The following PSMA5 variants were observed in gnomAD, a reference collection of about 807,000 sequenced individuals.
The protein encoded by PSMA5 is proteasome subunit alpha type-5.
Under a neutral mutation model 34.5 loss-of-function variants are expected in PSMA5, and 3 were observed. The observed-to-expected ratio is 0.09, with a 90% CI of 0.04 to 0.22. PSMA5 has a LOEUF of 0.22. Ranked by LOEUF, PSMA5 falls within the 10% of genes least tolerant of loss-of-function variation. PSMA5 has a pLI of 1.00. For missense variants in PSMA5, 120 were observed against 286.1 expected, an observed-to-expected ratio of 0.42 and a Z score of 4.19; for synonymous variants, 88 against 95.8, an observed-to-expected ratio of 0.92 and a Z score of 0.47.
At chr1:109,403,815 C>T (rs1483918450) in intron 8 of PSMA5, among the ~76,000 whole-genome samples, 1 of 152,064 alleles carries the variant, frequency 6.6e-6, no homozygotes, top group Non-Finnish European at 1.5e-5. Flanking sequence ...TGCTGCAAGT[C>T]TTAAGACATC....
chr1:109,410,203 A>G (rs967529400), intron 7 of PSMA5, among the ~76,000 whole-genome samples, 189 bp from the exon 8 acceptor site: 43 of 152,126 alleles, frequency 2.8e-4, no homozygotes, highest in Admixed American at 3.9e-4. Context: ...TTTTTTCAGG[A>G]AAAAAAACCC....
At chr1:109,407,054 C>T (rs1347532755) in intron 8 of PSMA5, among the ~76,000 whole-genome samples, 1 of 152,198 alleles carries the variant, frequency 6.6e-6, no homozygotes, top group Non-Finnish European at 1.5e-5. Flanking sequence ...GCGGCATGAT[C>T]TCGGCTCACT....
intron 2 of PSMA5, among the ~76,000 whole-genome samples, chr1:109,416,885 G>C (rs1654222801): frequency 1.3e-5 from 2 of 152,158 alleles, no homozygotes; most frequent in Admixed American, 1.3e-4. Flanking sequence ...TGGGCAGATT[G>C]CATGAGTCCA....
At chr1:109,422,051 T>G (rs144735260) in intron 1 of PSMA5, 125 bp from the exon 2 acceptor site, 2 of 563,272 alleles carry the variant, frequency 3.6e-6, no homozygotes, top group East Asian at 7.1e-5. Context: ...ATTCTCTACT[T>G]CGCCCACAAC....
intron 8 of PSMA5, among the ~76,000 whole-genome samples, chr1:109,405,973 G>T (rs1209968276): frequency 2.0e-5 from 3 of 152,202 alleles, no homozygotes; most frequent in Non-Finnish European, 4.4e-5. Flanking sequence ...GCAAAGAAAT[G>T]ACTGAGTAAA....
At chr1:109,418,261 A>G (rs1387132612) in intron 2 of PSMA5, among the ~76,000 whole-genome samples, 1 of 152,058 alleles carries the variant, frequency 6.6e-6, no homozygotes, top group African/African-American at 2.4e-5. Context: ...TTATCTCCTA[A>G]TAGGTCTAGA....
rs1571037795 is a variant in PSMA5 at position 109,426,426 on chromosome 1, G to A, written c.-96C>T. ...TCACCGGCAGCCAACTCACCCACACGGCCGCAGTACTAAGGACCAACTGCG... is the reference window on the plus strand; with the variant it reads ...TCACCGGCAGCCAACTCACCCACACAGCCGCAGTACTAAGGACCAACTGCG... On this transcript the variant is annotated 5_prime_UTR_variant, in exon 1 of 9. Transcript: ENST00000271308. The A allele has an allele frequency of 3.3e-6, 5 of 1,494,298 alleles. No homozygotes were observed. The South Asian group carries it at 3.4e-5, about 10-fold the overall frequency. 92.6% of individuals were successfully genotyped at this position (1,494,298 alleles called of 1,614,324 possible). A position where few individuals can be genotyped will look rare whatever the true frequency, so the allele number is the denominator to read the frequency against.
intron 2 of PSMA5, among the ~76,000 whole-genome samples, chr1:109,416,117 G>T (rs1157706622): frequency 6.6e-6 from 1 of 152,076 alleles, no homozygotes; most frequent in African/African-American, 2.4e-5. Context: ...AATGGTGCCT[G>T]CCAAATATGA....
In PSMA5 at chr1:109,412,123, T is replaced by C. The variant is rs547445834; in HGVS notation, c.353A>G (p.Asn118Ser). ...TVESVTQAVSNLALQFGEEDA... is the reference protein window; with the variant it reads ...TVESVTQAVSSLALQFGEEDA... ...TTCTTCTCCAAACTGCAAAGCCAGA[T>C]TGGACACAGCTTGGGTCACACTCTC... The change falls in exon 5 of 9, where the codon AAT becomes AGT. Residue 118 changes from asparagine (N) to serine (S), a missense_variant. This residue lies in a region of PSMA5 where 83 missense variants were observed against 203.2 expected (regional missense o/e 0.41). Coordinates refer to ENST00000271308, the MANE Select transcript of PSMA5 (RefSeq NM_002790.4). 5.0e-6 allele frequency: 8 copies of C among 1,613,986 alleles called. No homozygotes were observed. Among genetic ancestry groups the C allele is most frequent in the African/African-American group, 1.3e-5 (1 of 74,918 alleles).
chr1:109,413,685 G>A (rs1418166740), intron 3 of PSMA5, among the ~76,000 whole-genome samples: 1 of 152,110 alleles, frequency 6.6e-6, no homozygotes, highest in Non-Finnish European at 1.5e-5. Flanking sequence ...TAAATCTCCA[G>A]CCTAAGTTTC....
chr1:109,411,145 C>T lies in PSMA5; in HGVS notation c.459-32G>A, dbSNP rs1370401793. 7 of 1,523,622 alleles carry T rather than the reference C, an allele frequency of 4.6e-6. No individual in the cohort carries two copies. In the South Asian group the frequency reaches 8.0e-5, roughly 18 times the overall value. 94.4% of individuals were successfully genotyped at this position (1,523,622 alleles called of 1,614,324 possible). A position where few individuals can be genotyped will look rare whatever the true frequency, so the allele number is the denominator to read the frequency against. On this transcript the variant is annotated intron_variant, in intron 6 of 8. Transcript: ENST00000271308. Reference sequence around the variant, plus strand: ...AACCCCCAAAATGAGGACTAAAATGCTCAGGAGTGGTGGCACTTTATGTAA... The same window carrying T: ...AACCCCCAAAATGAGGACTAAAATGTTCAGGAGTGGTGGCACTTTATGTAA...
At chr1:109,422,347 C>G (rs1360404750) in intron 1 of PSMA5, among the ~76,000 whole-genome samples, 1 of 152,176 alleles carries the variant, frequency 6.6e-6, no homozygotes, top group East Asian at 1.9e-4. Context: ...GGTTATCACT[C>G]TTCTTTCCAT....
intron 8 of PSMA5, among the ~76,000 whole-genome samples, chr1:109,404,943 C>T (rs1283781208): frequency 6.6e-6 from 1 of 152,174 alleles, no homozygotes; most frequent in African/African-American, 2.4e-5. Context: ...CAGGGAGAAG[C>T]AACTTTTGAG....
intron 8 of PSMA5, among the ~76,000 whole-genome samples, chr1:109,402,798 C>T (rs1009088522): frequency 2.6e-5 from 4 of 152,140 alleles, no homozygotes; most frequent in Non-Finnish European, 4.4e-5. Context: ...CTCCGCCTCC[C>T]GGGTTCAAGC....
At chr1:109,405,447 G>GTTTT (rs11390638) in intron 8 of PSMA5, among the ~76,000 whole-genome samples, 61 of 118,280 alleles carry the variant, frequency 5.2e-4, no homozygotes, top group Admixed American at 6.1e-4. Flanking sequence ...GTCAGAAAAG[G>GTTTT]TTTTTTTTTT....
chr1:109,404,597 T>C (rs1378966113), intron 8 of PSMA5, among the ~76,000 whole-genome samples: 1 of 152,184 alleles, frequency 6.6e-6, no homozygotes, highest in African/African-American at 2.4e-5. Flanking sequence ...CTTCAGGAAG[T>C]TGCTCATCAC....
intron 1 of PSMA5, chr1:109,425,951 C>T (rs777599126): frequency 5.4e-6 from 2 of 371,970 alleles, no homozygotes; most frequent in South Asian, 5.1e-5. Flanking sequence ...TTGTTCAAGG[C>T]AGTCATACTA....
chr1:109,409,859 G>A, intron 8 of PSMA5, 69 bp downstream of exon 8: 3 of 1,123,322 alleles, frequency 2.7e-6, no homozygotes, highest in Admixed American at 4.0e-5. Context: ...GACCAGTCTA[G>A]GCAATATAGC....
intron 7 of PSMA5, 134 bp downstream of exon 7, chr1:109,410,877 T>C (rs1653959124): frequency 1.8e-5 from 12 of 651,470 alleles, no homozygotes; most frequent in Non-Finnish European, 3.2e-5. Context: ...ATTTTTCTGG[T>C]GGTGATGAAA....
Sources: allele counts gnomAD v4.1 joint callset (sites outside exome capture counted in the v4.1 genomes callset), GRCh38; gene constraint gnomAD v4.1.1; regional missense constraint gnomAD v4.1.1; transcripts MANE v1.5; gene names NCBI Gene and HGNC (gene_info 2026-07-23, HGNC 2026-07-21).